PRKCD: variants seen among roughly 807,000 people sequenced by gnomAD.
The protein encoded by PRKCD is protein kinase C delta type.
Under a neutral mutation model 82.2 loss-of-function variants are expected in PRKCD, and 20 were observed. That is an observed-to-expected ratio of 0.24 (90% CI 0.17 to 0.35). PRKCD has a LOEUF of 0.35. Ranked by LOEUF, PRKCD falls within the 10% of genes least tolerant of loss-of-function variation. The pLI is 1.00. For missense variants in PRKCD, 607 were observed against 899.0 expected, an observed-to-expected ratio of 0.68 and a Z score of 4.15; for synonymous variants, 317 against 337.0, an observed-to-expected ratio of 0.94 and a Z score of 0.65.
At chr3:53,176,010 G>A (rs1367136344) in intron 2 of PRKCD, among the ~76,000 whole-genome samples, 2 of 152,198 alleles carry the variant, frequency 1.3e-5, no homozygotes, top group Non-Finnish European at 2.9e-5. Flanking sequence ...CCACTCCCAT[G>A]GCTGTATATA....
Position 53,179,547 on chromosome 3 carries a change from C to T in PRKCD, c.116-30C>T, listed in dbSNP as rs185300167. On this transcript the variant is annotated intron_variant, in intron 3 of 18. Transcript: ENST00000330452. Reference sequence around the variant, plus strand: ...CGAGGGAGGGACAGAGGGGCCATGGCCCAACCTTCTCTGCCTGGCCTTGTT... The same window carrying T: ...CGAGGGAGGGACAGAGGGGCCATGGTCCAACCTTCTCTGCCTGGCCTTGTT... 1,248 of 1,613,750 alleles carry T rather than the reference C, an allele frequency of 7.7e-4. 2 individuals carry two copies. In the African/African-American group the frequency reaches 0.012, roughly 15 times the overall value.
rs782716004 is a variant in PRKCD at position 53,191,528 on chromosome 3, C to T, written c.1873-580C>T. Among the ~76,000 whole-genome samples the T allele has an allele frequency of 8.5e-5, 13 of 152,312 alleles. No individual in the cohort carries two copies. The South Asian group carries it at 1.2e-3, about 15-fold the overall frequency. ...GTTTGGCTGAAGGGCCACCAGCTTG[C>T]GGTCTTTCTATATTACCATCCCATC... is the stretch of plus-strand genomic sequence containing the variant. On this transcript the variant is annotated intron_variant, in intron 18 of 18. Transcript: ENST00000330452.
chr3:53,166,086 C>A (rs1553663813), intron 2 of PRKCD, among the ~76,000 whole-genome samples: 1 of 152,204 alleles, frequency 6.6e-6, no homozygotes, highest in African/African-American at 2.4e-5. Context: ...CAGACCCTCA[C>A]AGCCAACCCT....
At chr3:53,185,423 T>C (rs1429611334) in intron 10 of PRKCD, among the ~76,000 whole-genome samples, 181 bp from the exon 11 acceptor site, 1 of 152,260 alleles carries the variant, frequency 6.6e-6, no homozygotes, top group Non-Finnish European at 1.5e-5. Context: ...CCACCAAGGC[T>C]TCTCTGGGCT....
rs75794462 is a variant in PRKCD, at chr3:53,183,152, C to T, written c.603C>T (p.Ile201=). Residue 201 remains isoleucine (I), a synonymous_variant, in exon 8 of 19, where the codon ATC becomes ATT. Transcript: ENST00000330452. ...QCNAAIHKKC[I]DKIIGRCTGT... is the part of the protein sequence containing the mutation. ...ACGCTGCCATCCACAAGAAATGCAT[C>T]GACAAGATCATCGGCAGATGCACTG... The T allele has an allele frequency of 1.8e-3, 2,932 of 1,614,200 alleles. 4 individuals carry two copies. Among genetic ancestry groups the T allele is most frequent in the South Asian group, 4.2e-3 (381 of 91,078 alleles).
intron 2 of PRKCD, among the ~76,000 whole-genome samples, chr3:53,170,948 T>C (rs1703003264): frequency 6.6e-6 from 1 of 152,058 alleles, no homozygotes; most frequent in Non-Finnish European, 1.5e-5. Flanking sequence ...TGTGTGTGTG[T>C]GTGTGTGTGT....
intron 3 of PRKCD, 182 bp from the exon 4 acceptor site, chr3:53,179,395 C>T: frequency 1.3e-6 from 1 of 780,090 alleles, no homozygotes; most frequent in East Asian, 2.5e-5. Context: ...GGAACAAAGG[C>T]CTGGAGGGAG....
chr3:53,164,737 C>G (rs1332350326), intron 1 of PRKCD, among the ~76,000 whole-genome samples: 1 of 152,060 alleles, frequency 6.6e-6, no homozygotes, highest in Admixed American at 6.5e-5. Flanking sequence ...GGAAATTGCA[C>G]CAGGACATAA....
At chr3:53,168,001 C>T (rs1702889457) in intron 2 of PRKCD, among the ~76,000 whole-genome samples, 3 of 152,260 alleles carry the variant, frequency 2.0e-5, no homozygotes, top group South Asian at 2.1e-4. Context: ...AAATAGATCT[C>T]GTGACAAATG....
chr3:53,190,031 G>A (rs1405190965), intron 18 of PRKCD, 30 bp downstream of exon 18: 9 of 1,613,018 alleles, frequency 5.6e-6, no homozygotes, highest in Non-Finnish European at 7.6e-6. Context: ...GCTGCCTTCA[G>A]GCTGAGCTAC....
intron 18 of PRKCD, among the ~76,000 whole-genome samples, 184 bp downstream of exon 18, chr3:53,190,185 A>T (rs927769003): frequency 1.3e-5 from 2 of 152,106 alleles, no homozygotes; most frequent in Non-Finnish European, 2.9e-5. Flanking sequence ...TTCAGCACAC[A>T]CTGGGGACTG....
In PRKCD at chr3:53,185,715, A is replaced by T; in HGVS notation, c.985+15A>T. 4 of 1,610,894 alleles carry T rather than the reference A, an allele frequency of 2.5e-6. No individual in the cohort carries two copies. The highest frequency in any genetic ancestry group is 3.4e-6 in the Non-Finnish European group (4 of 1,178,464). On this transcript the variant is annotated intron_variant, in intron 11 of 18. Transcript: ENST00000330452. ...GGACATGCAAGGTGAAGCTGGGTCC[A>T]TTGCCCCATTACGGTTTTTATTCCC...
intron 7 of PRKCD, among the ~76,000 whole-genome samples, 166 bp from the exon 8 acceptor site, chr3:53,182,955 G>T (rs1703504695): frequency 6.6e-6 from 1 of 152,202 alleles, no homozygotes; most frequent in Non-Finnish European, 1.5e-5. Flanking sequence ...TTCGAGGGCT[G>T]GCAGGAGGAA....
chr3:53,166,709 C>T (rs143823576), intron 2 of PRKCD, among the ~76,000 whole-genome samples: 76 of 152,362 alleles, frequency 5.0e-4, no homozygotes, highest in Middle Eastern at 3.4e-3. Context: ...CCAGTCAGGT[C>T]GCCTGCATCT....
Position 53,186,040 on chromosome 3 carries a change from AGCCGGGCACCT to A in PRKCD, c.1086+16_1086+26del, listed in dbSNP as rs782055132. On this transcript the variant is annotated intron_variant, in intron 12 of 18. Transcript: ENST00000330452. ...CAGCTTCGGGAAGGTGAGGGCTGTG[AGCCGGGCACCT>A]GCTTCCCACCCCACCCTGGCTTCTT... 3.7e-6 allele frequency: 6 copies of A among 1,613,862 alleles called. No individual in the cohort carries two copies. In the African/African-American group the frequency reaches 4.0e-5, roughly 11 times the overall value.
rs782006683 is a variant in PRKCD at position 53,183,193 on chromosome 3, G to A, written c.644G>A (p.Ser215Asn). 6.2e-7 allele frequency: 1 copy of A among 1,614,206 alleles called. No individual in the cohort carries two copies. The highest frequency in any genetic ancestry group is 8.5e-7 in the Non-Finnish European group (1 of 1,180,016). The change falls in exon 8 of 19, where the codon AGC becomes AAC. Residue 215 changes from serine to asparagine, a missense_variant. Physicochemically the swap from Ser to Asn is conservative, Grantham distance 46 (BLOSUM62 1). This residue lies in a region of PRKCD where 109 missense variants were observed against 155.6 expected (regional missense o/e 0.70). Coordinates refer to ENST00000330452, the MANE Select transcript of PRKCD (RefSeq NM_006254.4). ...AGATGCACTGGCACCGCGGCCAACAGCCGGGACACTATAGTGAGCCTGGGT... is the reference window on the plus strand; with the variant it reads ...AGATGCACTGGCACCGCGGCCAACAACCGGGACACTATAGTGAGCCTGGGT... ...IGRCTGTAANSRDTIFQKERF... is the reference protein window; with the variant it reads ...IGRCTGTAANNRDTIFQKERF...
At chr3:53,189,850 C>T (rs1553670411) in intron 17 of PRKCD, 23 bp from the exon 18 acceptor site, 3 of 1,613,820 alleles carry the variant, frequency 1.9e-6, no homozygotes, top group South Asian at 2.2e-5. Context: ...TGGGTGCTAA[C>T]CAGGGTCCCT....
chr3:53,174,027 C>CT (rs1443230587), intron 2 of PRKCD, among the ~76,000 whole-genome samples: 1 of 152,230 alleles, frequency 6.6e-6, no homozygotes, highest in Non-Finnish European at 1.5e-5. Context: ...TCGGGCAGGC[C>CT]TGGATTTATC....
At chr3:53,189,379 G>A in intron 17 of PRKCD, 133 bp downstream of exon 17, 1 of 960,014 alleles carries the variant, frequency 1.0e-6, no homozygotes, top group South Asian at 1.7e-5. Context: ...TAACATACGG[G>A]GTATTGCTCT....
Sources: gnomAD v4.1 joint callset for allele counts (sites outside exome capture counted in the v4.1 genomes callset) on GRCh38, gnomAD v4.1.1 for gene constraint, gnomAD v4.1.1 regional missense constraint, MANE v1.5 for transcripts, NCBI Gene and HGNC (gene_info 2026-07-23, HGNC 2026-07-21) for gene names.